RBFOX3: variants seen among roughly 807,000 people sequenced by gnomAD.
The protein encoded by RBFOX3 is RNA binding protein fox-1 homolog 3.
RBFOX3 carries 17 observed loss-of-function variants against 48.7 expected under a neutral mutation model. That is an observed-to-expected ratio of 0.35 (90% CI 0.24 to 0.52). The LOEUF is 0.52. Ranked by LOEUF, RBFOX3 falls within the 20% of genes least tolerant of loss-of-function variation. RBFOX3 has a pLI of 0.94. For synonymous variants in RBFOX3, 212 were observed against 209.5 expected (o/e 1.01, Z -0.10); for missense variants, 382 against 497.5 (o/e 0.77, Z 2.21).
intron 2 of RBFOX3, among the ~76,000 whole-genome samples, chr17:79,370,825 C>T (rs1246573054): frequency 1.3e-5 from 2 of 152,186 alleles, no homozygotes; most frequent in East Asian, 1.9e-4. Context: ...CACACAAGCT[C>T]ACTCACATAT....
intron 4 of RBFOX3, among the ~76,000 whole-genome samples, chr17:79,169,321 G>A (rs1479881249): frequency 1.3e-5 from 2 of 152,112 alleles, no homozygotes; most frequent in Non-Finnish European, 2.9e-5. Context: ...CTGGGGTAGC[G>A]GTGAGGATTC....
intron 9 of RBFOX3, chr17:79,100,406 G>C (rs1408996603): frequency 6.6e-6 from 1 of 152,252 alleles, no homozygotes; most frequent in Non-Finnish European, 1.5e-5. Context: ...TTTGAGATGT[G>C]TAAGTCCTCA....
chr17:79,633,113 G>A, the RBFOX3 span, among the ~76,000 whole-genome samples: 1 of 152,232 alleles, frequency 6.6e-6, no homozygotes, highest in South Asian at 2.1e-4. Flanking sequence ...GCCCATGTTG[G>A]CAACGCCCCA....
intron 4 of RBFOX3, among the ~76,000 whole-genome samples, chr17:79,143,525 C>T (rs773247643): frequency 1.6e-4 from 25 of 152,190 alleles, no homozygotes; most frequent in Non-Finnish European, 3.4e-4. Flanking sequence ...CCCAGGCTCG[C>T]CACTACCCTG....
chr17:79,640,903 T>G, the RBFOX3 span, among the ~76,000 whole-genome samples: 3 of 152,166 alleles, frequency 2.0e-5, no homozygotes, highest in Admixed American at 2.0e-4. Context: ...GGCCAATGAT[T>G]TTTTTGGATA....
At position 79,151,916 on chromosome 17, in the gene RBFOX3, G is replaced by A. The variant is rs934695051; in HGVS notation, c.-33-36168C>T. 3.2e-4 allele frequency among the ~76,000 whole-genome samples: 29 copies of A among 90,700 alleles called. 5 individuals carry two copies. Among genetic ancestry groups the A allele is most frequent in the African/African-American group, 1.3e-3 (28 of 22,098 alleles). The allele number at this position is 90,700 out of a possible 152,430, so 59.5% of individuals were successfully genotyped here. On this transcript the variant is annotated intron_variant, in intron 4 of 14. Transcript: ENST00000693108. Reference sequence around the variant, plus strand: ...GACCTGCAGGGGGAGGAGGGGAGGCGAGGATGGGAGGGGACCTACAGAGGG... The same window carrying A: ...GACCTGCAGGGGGAGGAGGGGAGGCAAGGATGGGAGGGGACCTACAGAGGG...
chr17:79,534,520 G>A (rs1555788255), intron 1 of RBFOX3, among the ~76,000 whole-genome samples: 3 of 152,210 alleles, frequency 2.0e-5, no homozygotes, highest in Non-Finnish European at 4.4e-5. Flanking sequence ...GGGTCTGCCA[G>A]ACGCTCCCCA....
At chr17:79,376,178 GGC>G (rs2059199806) in intron 2 of RBFOX3, among the ~76,000 whole-genome samples, 1 of 152,140 alleles carries the variant, frequency 6.6e-6, no homozygotes, top group Admixed American at 6.5e-5. Context: ...GCAGCCCCTG[GGC>G]GAGGAGACTG....
At chr17:79,412,933 C>A (rs1201546639) in intron 2 of RBFOX3, among the ~76,000 whole-genome samples, 1 of 152,014 alleles carries the variant, frequency 6.6e-6, no homozygotes, top group African/African-American at 2.4e-5. Flanking sequence ...GGGTGACTAC[C>A]ACTCTCTGAC....
intron 2 of RBFOX3, among the ~76,000 whole-genome samples, chr17:79,359,235 G>A (rs546802475): frequency 1.1e-4 from 16 of 152,286 alleles, no homozygotes; most frequent in African/African-American, 3.1e-4. Flanking sequence ...CGCCTACCCC[G>A]CCCCTCCCCA....
At chr17:79,105,114 T>C (rs756858048) in intron 6 of RBFOX3, among the ~76,000 whole-genome samples, 1 of 152,218 alleles carries the variant, frequency 6.6e-6, no homozygotes, top group Non-Finnish European at 1.5e-5. Context: ...TGCAGGCAAC[T>C]GATGGGGGTT....
At chr17:79,161,594 T>TG (rs2046990730) in intron 4 of RBFOX3, among the ~76,000 whole-genome samples, 1 of 152,142 alleles carries the variant, frequency 6.6e-6, no homozygotes, top group East Asian at 1.9e-4. Context: ...TCCGTTTTTT[T>TG]TTTGTGTGTG....
rs373638020 is a variant in RBFOX3, at chr17:79,427,404, C to T, written c.-175+55050G>A. Among the ~76,000 whole-genome samples, 28 of 152,308 alleles carry T rather than the reference C, an allele frequency of 1.8e-4. No individual in the cohort carries two copies. In the East Asian group the frequency reaches 2.1e-3, roughly 12 times the overall value. ...GGGAAGCACCCCTGTCTCTGAGGGG[C>T]GACTGCAGGGGGCCTTCCCGGGCTG... On this transcript the variant is annotated intron_variant, in intron 2 of 14. Transcript: ENST00000693108.
In RBFOX3 at chr17:79,180,575, C is replaced by T. The variant is rs573246590; in HGVS notation, c.-34+55191G>A. On this transcript the variant is annotated intron_variant, in intron 4 of 14. Coordinates refer to ENST00000693108, the MANE Select transcript of RBFOX3 (RefSeq NM_001350451.2). ...GGCCGGGTATGGCCCTAGGCCCCTC[C>T]TCCTGTGGCCTTTACCTCCGGGGGC... 2.6e-5 allele frequency among the ~76,000 whole-genome samples: 4 copies of T among 152,352 alleles called. No individual in the cohort carries two copies. The East Asian group carries it at 5.8e-4, about 22-fold the overall frequency.
chr17:79,579,043 A>T (rs971414741), intron 1 of RBFOX3, among the ~76,000 whole-genome samples: 1 of 152,090 alleles, frequency 6.6e-6, no homozygotes, highest in Admixed American at 6.5e-5. Flanking sequence ...TCCATCTCCC[A>T]TGCGTCTCCG....
chr17:79,216,099 T>C lies in RBFOX3; in HGVS notation c.-34+19667A>G, dbSNP rs536686680. Among the ~76,000 whole-genome samples the C allele has an allele frequency of 9.8e-5, 15 of 152,340 alleles. No individual in the cohort carries two copies. In the South Asian group the frequency reaches 2.1e-3, roughly 21 times the overall value. On this transcript the variant is annotated intron_variant, in intron 4 of 14. Coordinates refer to ENST00000693108, the MANE Select transcript of RBFOX3 (RefSeq NM_001350451.2). The stretch of plus-strand genomic sequence containing the variant: ...GGTCAAGATGTAACTGTCTGGGCTT[T>C]GGAGCTGGAGACCAGGTTCTGGTCC...
chr17:79,469,061 C>A (rs984203929), intron 2 of RBFOX3, among the ~76,000 whole-genome samples: 1 of 151,834 alleles, frequency 6.6e-6, no homozygotes, highest in Non-Finnish European at 1.5e-5. Context: ...ATTGACTGAT[C>A]GACTGACAGA....
At position 79,166,475 on chromosome 17, in the gene RBFOX3, G is replaced by GT. The variant is rs33966525; in HGVS notation, c.-33-50728_-33-50727insA. Among the ~76,000 whole-genome samples the GT allele has an allele frequency of 6.3e-4, 5 of 7,948 alleles. No homozygotes were observed. In the East Asian group the frequency reaches 0.062, roughly 99 times the overall value. The allele number at this position is 7,948 out of a possible 152,430, so 5.2% of individuals were successfully genotyped here. ...GGCTCAGCTCTCAGCCACAGATGAAGGGGAGTCCAAGAGCCACCCACGGGG... is the reference window on the plus strand; with the variant it reads ...GGCTCAGCTCTCAGCCACAGATGAAGTGGGAGTCCAAGAGCCACCCACGGGG... On this transcript the variant is annotated intron_variant, in intron 4 of 14. Coordinates refer to ENST00000693108, the MANE Select transcript of RBFOX3 (RefSeq NM_001350451.2).
intron 1 of RBFOX3, among the ~76,000 whole-genome samples, chr17:79,547,936 A>T (rs1423044385): frequency 6.6e-6 from 1 of 152,180 alleles, no homozygotes; most frequent in Non-Finnish European, 1.5e-5. Context: ...GGTTCATCTG[A>T]TGGAGGCCCT....
Sources: allele counts gnomAD v4.1 joint callset (sites outside exome capture counted in the v4.1 genomes callset), GRCh38; gene constraint gnomAD v4.1.1; transcripts MANE v1.5; gene names NCBI Gene and HGNC (gene_info 2026-07-23, HGNC 2026-07-21).